The following FRAS1 variants were observed in gnomAD, a reference collection of about 807,000 sequenced individuals.
FRAS1 encodes the protein extracellular matrix organizing protein FRAS1.
A neutral mutation model predicts 435.2 loss-of-function variants in FRAS1; 290 were observed. The ratio of observed to expected loss-of-function variants is 0.67; its 90% CI spans 0.61 to 0.73. The LOEUF (loss-of-function observed/expected upper bound fraction) is 0.73. Ranked by LOEUF, FRAS1 falls within the 30% of genes least tolerant of loss-of-function variation. The probability of loss-of-function intolerance (pLI) is 0.00; values close to 1 mark genes in which losing one functional copy is unlikely to be tolerated. For synonymous variants in FRAS1, 1,800 were observed against 1,851.0 expected (o/e 0.97, Z 0.71); for missense variants, 4,860 against 5,001.5 (o/e 0.97, Z 0.85).
chr4:78,518,450 A>ATTTATT lies in FRAS1; in HGVS notation c.10390-880_10390-879insTTATTT, dbSNP rs58236775. Among the ~76,000 whole-genome samples, 318 of 69,330 alleles carry ATTTATT rather than the reference A, an allele frequency of 4.6e-3. 1 individual carries two copies. The highest frequency in any genetic ancestry group is 0.011 in the African/African-American group (300 of 26,402). The allele number at this position is 69,330 out of a possible 152,430, so 45.5% of individuals were successfully genotyped here. ...TATATATATATATATATATATATAT[A>ATTTATT]TATTTATTTATTTATTTATTTGTGG... is the stretch of plus-strand genomic sequence containing the variant. On this transcript the variant is annotated intron_variant, in intron 66 of 73. Transcript: ENST00000512123.
At chr4:78,317,198 G>A (rs1040189789) in intron 16 of FRAS1, among the ~76,000 whole-genome samples, 170 bp from the exon 17 acceptor site, 8 of 152,294 alleles carry the variant, frequency 5.3e-5, no homozygotes, top group South Asian at 4.1e-4. Context: ...GTGGGTAAAC[G>A]GCCATGTGGG....
chr4:78,166,494 A>T (rs1381202410), intron 2 of FRAS1, among the ~76,000 whole-genome samples: 1 of 152,172 alleles, frequency 6.6e-6, no homozygotes, highest in Non-Finnish European at 1.5e-5. Context: ...ATTAGTAAAC[A>T]TTTAATTTAA....
At chr4:78,429,752 G>T (rs1734140089) in intron 36 of FRAS1, among the ~76,000 whole-genome samples, 1 of 152,136 alleles carries the variant, frequency 6.6e-6, no homozygotes. Context: ...TTTTTGTTAG[G>T]TGTGTTCTAG....
chr4:78,357,272 C>T (rs916320782), intron 20 of FRAS1, among the ~76,000 whole-genome samples: 4 of 152,186 alleles, frequency 2.6e-5, no homozygotes, highest in African/African-American at 7.2e-5. Flanking sequence ...TAGCATTCTA[C>T]AGGACGTTTG....
In FRAS1 at chr4:78,400,798, A is replaced by G. The variant is rs1232449698; in HGVS notation, c.4040A>G (p.Gln1347Arg). The G allele has an allele frequency of 5.6e-6, 9 of 1,613,622 alleles. No individual in the cohort carries two copies. Among genetic ancestry groups the G allele is most frequent in the Non-Finnish European group, 6.8e-6 (8 of 1,179,778 alleles). The change falls in exon 30 of 74, where the codon CAG becomes CGG. Residue 1347 changes from glutamine to arginine, a missense_variant. Gln to Arg is a conservative substitution (Grantham distance 43). Coordinates refer to ENST00000512123, the MANE Select transcript of FRAS1 (RefSeq NM_025074.7). Reference sequence around the variant, plus strand: ...TGGGTTCCAGAAGGGGGGATGCTGCAGATCACCAACAGAATCTTACAGGCC... The same window carrying G: ...TGGGTTCCAGAAGGGGGGATGCTGCGGATCACCAACAGAATCTTACAGGCC... ...MVWVPEGGML[Q>R]ITNRILQAEA... is the part of the protein sequence containing the mutation.
At chr4:78,244,404 G>C (rs915138886) in intron 3 of FRAS1, among the ~76,000 whole-genome samples, 2 of 152,092 alleles carry the variant, frequency 1.3e-5, no homozygotes, top group Admixed American at 6.5e-5. Flanking sequence ...CTAATTGCCT[G>C]TTCTGCCACA....
At chr4:78,497,010 A>G (rs757421431) in intron 60 of FRAS1, 49 bp downstream of exon 60, 2 of 1,431,002 alleles carry the variant, frequency 1.4e-6, no homozygotes, top group Admixed American at 1.9e-5. Context: ...GGGGACATAA[A>G]CTGATGTTTA....
intron 20 of FRAS1, among the ~76,000 whole-genome samples, chr4:78,361,441 A>G (rs1263733935): frequency 2.0e-5 from 3 of 152,202 alleles, no homozygotes; most frequent in African/African-American, 7.2e-5. Context: ...TGTAACTCCC[A>G]AAGTTCACAG....
intron 2 of FRAS1, among the ~76,000 whole-genome samples, chr4:78,130,948 A>C (rs751931326): frequency 7.2e-5 from 11 of 152,336 alleles, no homozygotes; most frequent in Admixed American, 2.6e-4. Flanking sequence ...TTTACTGTTA[A>C]TAGCTATTAT....
intron 11 of FRAS1, 62 bp downstream of exon 11, chr4:78,281,495 CA>C (rs1156860959): frequency 9.8e-7 from 1 of 1,017,042 alleles, no homozygotes; most frequent in Non-Finnish European, 1.4e-6. Context: ...TAATGATCTG[CA>C]TGAAATATCA....
intron 14 of FRAS1, among the ~76,000 whole-genome samples, chr4:78,307,604 A>T (rs944797535): frequency 6.6e-6 from 1 of 152,146 alleles, no homozygotes; most frequent in African/African-American, 2.4e-5. Context: ...TTCGGGTGGG[A>T]GTGACCCGAT....
chr4:78,518,422 GTATATATATATATATATATA>G (rs71216219), intron 66 of FRAS1, among the ~76,000 whole-genome samples: 53 of 135,730 alleles, frequency 3.9e-4, no homozygotes, highest in African/African-American at 1.5e-3. Context: ...TTTTTGTTGT[GTATATATATATATATATATA>G]TATATATATA....
In FRAS1 at chr4:78,310,655, G is replaced by A. The variant is rs72866313; in HGVS notation, c.1678+2446G>A. Among the ~76,000 whole-genome samples, 1,472 of 152,290 alleles carry A rather than the reference G, an allele frequency of 9.7e-3. 14 individuals carry two copies. The highest frequency in any genetic ancestry group is 0.034 in the African/African-American group (1,406 of 41,560). On this transcript the variant is annotated intron_variant, in intron 15 of 73. Transcript: ENST00000512123. ...TAATACACAAAACTGGAGCTTACGC[G>A]TTTTATAAAATTGTTACTATTCTCC...
chr4:78,128,679 A>G (rs987496654), intron 2 of FRAS1, among the ~76,000 whole-genome samples: 3 of 152,284 alleles, frequency 2.0e-5, no homozygotes, highest in Admixed American at 6.5e-5. Context: ...AGTAGATTGC[A>G]AAAATTTCCT....
intron 32 of FRAS1, among the ~76,000 whole-genome samples, chr4:78,413,575 C>T (rs558522742): frequency 5.8e-4 from 88 of 152,234 alleles, no homozygotes; most frequent in Non-Finnish European, 1.1e-3. Context: ...AATCTGGGGA[C>T]ACATTGGGAG....
intron 29 of FRAS1, among the ~76,000 whole-genome samples, chr4:78,393,757 A>G (rs941570951): frequency 6.6e-6 from 1 of 152,064 alleles, no homozygotes; most frequent in Non-Finnish European, 1.5e-5. Flanking sequence ...TGCTGATTTC[A>G]TTTACTTTGG....
chr4:78,328,214 A>G lies in FRAS1; in HGVS notation c.2138-5058A>G, dbSNP rs535251396. 2.0e-5 allele frequency among the ~76,000 whole-genome samples: 3 copies of G among 152,324 alleles called. No individual in the cohort carries two copies. The East Asian group carries it at 5.8e-4, about 29-fold the overall frequency. On this transcript the variant is annotated intron_variant, in intron 18 of 73. Coordinates refer to ENST00000512123, the MANE Select transcript of FRAS1 (RefSeq NM_025074.7). ...TTTGTGCACATTGAGTAAGGCTATT[A>G]CATTCGTTTTGTGACCAAATGAAAT...
intron 67 of FRAS1, 28 bp from the exon 68 acceptor site, chr4:78,521,495 A>G: frequency 6.4e-7 from 1 of 1,556,920 alleles, no homozygotes; most frequent in South Asian, 1.1e-5. Context: ...TCCATGCCCT[A>G]GCATTTTCTC....
intron 2 of FRAS1, among the ~76,000 whole-genome samples, chr4:78,074,577 T>C (rs1005379375): frequency 1.4e-4 from 21 of 152,234 alleles, no homozygotes; most frequent in African/African-American, 5.1e-4. Context: ...AGTAGTCCCT[T>C]TTTCCCTTTT....
Sources: gnomAD v4.1 joint callset for allele counts (sites outside exome capture counted in the v4.1 genomes callset) on GRCh38, gnomAD v4.1.1 for gene constraint, MANE v1.5 for transcripts, NCBI Gene and HGNC (gene_info 2026-07-23, HGNC 2026-07-21) for gene names.